POMGNT1: variants seen among roughly 807,000 people sequenced by gnomAD.
The protein encoded by POMGNT1 is protein O-linked mannose N-acetylglucosaminyltransferase 1 (beta 1,2-), also known as protein O-linked-mannose beta-1,2-N-acetylglucosaminyltransferase 1.
In POMGNT1, 67 loss-of-function variants were observed where a neutral mutation model predicts 95.6. The ratio of observed to expected loss-of-function variants is 0.70; its 90% CI spans 0.58 to 0.86. The LOEUF (loss-of-function observed/expected upper bound fraction) is 0.86. Ranked by LOEUF, POMGNT1 falls within the 40% of genes least tolerant of loss-of-function variation. The pLI, the probability that POMGNT1 is intolerant of heterozygous loss-of-function variation, is 0.00. For missense variants in POMGNT1, 719 were observed against 855.2 expected (o/e 0.84, Z 1.99); for synonymous variants, 298 against 317.9 (o/e 0.94, Z 0.66).
chr1:46,197,245 T>G (rs1658320103), intron 2 of POMGNT1, 161 bp from the exon 3 acceptor site: 2 of 1,545,920 alleles, frequency 1.3e-6, no homozygotes, highest in Non-Finnish European at 1.7e-6. Flanking sequence ...GGGCCTAGTT[T>G]CACAGCCACT....
intron 1 of POMGNT1, among the ~76,000 whole-genome samples, chr1:46,218,601 G>A (rs951469621): frequency 2.6e-5 from 4 of 152,070 alleles, no homozygotes; most frequent in African/African-American, 9.7e-5. Flanking sequence ...GTTCGGATTC[G>A]GCACTCTCTA....
At chr1:46,191,230 G>A (rs1163808142) in intron 17 of POMGNT1, 5 of 274,966 alleles carry the variant, frequency 1.8e-5, no homozygotes, top group Admixed American at 4.8e-5. Context: ...AATGGGGCTC[G>A]CGTATTAGTC....
rs1658065450 is a variant in POMGNT1, at chr1:46,194,568, A to G, written c.736T>C (p.Leu246=). 6.2e-7 allele frequency: 1 copy of G among 1,614,052 alleles called. No individual in the cohort carries two copies. Among genetic ancestry groups the G allele is most frequent in the Non-Finnish European group, 8.5e-7 (1 of 1,179,998 alleles). ...DPVLLKTDVP[L]SSAEEAECHW... ...CTAACTCCACCTTCTGCTGAGCTCA[A>G]TGGCACATCTGTCTTCAGCAGGACT... The change falls in exon 8 of 22, where the codon TTG becomes CTG. Residue 246 remains leucine (L), a synonymous_variant. Transcript: ENST00000371984.
chr1:46,211,439 G>GCACACATACACACA (rs764949785), intron 1 of POMGNT1, among the ~76,000 whole-genome samples: 78 of 79,046 alleles, frequency 9.9e-4, no homozygotes, highest in African/African-American at 1.8e-3. Flanking sequence ...ATGAAAACCT[G>GCACACATACACACA]CACACACACA....
chr1:46,192,481 T>C (rs1557672231), intron 15 of POMGNT1, 37 bp downstream of exon 15: 3 of 1,614,114 alleles, frequency 1.9e-6, no homozygotes, highest in Non-Finnish European at 2.5e-6. Context: ...TGAGGCCTCA[T>C]AAACTCGCCT....
At chr1:46,193,479 C>T in intron 11 of POMGNT1, 85 bp downstream of exon 11, 1 of 1,611,506 alleles carries the variant, frequency 6.2e-7, no homozygotes, top group South Asian at 1.1e-5. Context: ...CAGCCCTTGC[C>T]TGGGCGGTCT....
At chr1:46,195,568 T>C (rs1249475703) in intron 6 of POMGNT1, 1 of 564,192 alleles carries the variant, frequency 1.8e-6, no homozygotes, top group Non-Finnish European at 3.3e-6. Flanking sequence ...ATAAGCTCCA[T>C]GAGGGTGGGG....
exon 1 of POMGNT1, chr1:46,219,950 A>T (rs778528615): frequency 6.2e-7 from 1 of 1,614,246 alleles, no homozygotes; most frequent in Non-Finnish European, 8.5e-7. Context: ...TCCTGGACAC[A>T]GTGGCCCCCA....
Position 46,193,824 on chromosome 1 carries a change from A to G in POMGNT1, c.950+31T>C, listed in dbSNP as rs372397397. The G allele has an allele frequency of 1.6e-5, 26 of 1,613,054 alleles. No individual in the cohort carries two copies. In the African/African-American group the frequency reaches 2.7e-4, roughly 17 times the overall value. On this transcript the variant is annotated intron_variant, in intron 10 of 21. Coordinates refer to ENST00000371984, the MANE Select transcript of POMGNT1 (RefSeq NM_017739.4). ...AGATGACCTAAGCACCCTCCTGTTC[A>G]GTGCTGGGTATAGCCCATTCCCAGG...
At chr1:46,215,505 GAAGATCCT>G (rs1169549126) in intron 1 of POMGNT1, among the ~76,000 whole-genome samples, 1 of 152,192 alleles carries the variant, frequency 6.6e-6, no homozygotes, top group Admixed American at 6.5e-5. Flanking sequence ...GGAACAAAGA[GAAGATCCT>G]AAAAGCTTTC....
chr1:46,188,846 G>T lies in POMGNT1; in HGVS notation c.*424C>A. On this transcript the variant is annotated 3_prime_UTR_variant, in exon 22 of 22. Transcript: ENST00000371984. The stretch of plus-strand genomic sequence containing the variant: ...TGGGCCTGTCCATGGGTTGGGCACA[G>T]CAGTTTCCTGAGTAAGAGCCAGCCC... The T allele has an allele frequency of 6.2e-7, 1 of 1,612,926 alleles. No individual in the cohort carries two copies. Among genetic ancestry groups the T allele is most frequent in the East Asian group, 2.2e-5 (1 of 44,876 alleles).
In POMGNT1 at chr1:46,220,169, C is replaced by T. The variant is rs150073699; in HGVS notation, c.-515G>A. 5.3e-5 allele frequency: 86 copies of T among 1,614,010 alleles called. No homozygotes were observed. The highest frequency in any genetic ancestry group is 6.5e-5 in the Non-Finnish European group (77 of 1,179,998). ...AGGATGAGAGTGCCAAGCTGGGCTT[C>T]GAGGCCCACTGGTTCTGGGAGCAGT... On this transcript the variant is annotated 5_prime_UTR_variant, in exon 1 of 23. Coordinates refer to the POMGNT1 transcript ENST00000371992.
At chr1:46,198,830 C>T (rs1337541281), upstream of POMGNT1, among the ~76,000 whole-genome samples, 1 of 152,228 alleles carries the variant, frequency 6.6e-6, no homozygotes, top group Non-Finnish European at 1.5e-5. Context: ...GCATGCACAG[C>T]TATTGGAGGC....
chr1:46,219,692 C>T (rs749786411), intron 1 of POMGNT1: 8 of 1,573,034 alleles, frequency 5.1e-6, no homozygotes, highest in Non-Finnish European at 6.9e-6. Context: ...TTCTCCCACT[C>T]CCCCAGGCTT....
intron 10 of POMGNT1, 25 bp downstream of exon 10, chr1:46,193,830 G>A: frequency 2.5e-6 from 4 of 1,613,496 alleles, no homozygotes; most frequent in Non-Finnish European, 3.4e-6. Flanking sequence ...GTTCAGTGCT[G>A]GGTATAGCCC....
chr1:46,193,539 G>A (rs766635945), intron 11 of POMGNT1, 25 bp downstream of exon 11: 9 of 1,614,078 alleles, frequency 5.6e-6, no homozygotes, highest in East Asian at 2.2e-5. Flanking sequence ...TACTCCACCC[G>A]AGGCACCCCC....
At chr1:46,213,369 A>G (rs114239031) in intron 1 of POMGNT1, among the ~76,000 whole-genome samples, 3 of 149,192 alleles carry the variant, frequency 2.0e-5, no homozygotes, top group African/African-American at 4.9e-5. Flanking sequence ...AAGTATATAA[A>G]TTTTTTAAAA....
At chr1:46,214,115 G>A (rs966731335) in intron 1 of POMGNT1, among the ~76,000 whole-genome samples, 1 of 152,126 alleles carries the variant, frequency 6.6e-6, no homozygotes, top group African/African-American at 2.4e-5. Context: ...GAAGGCCGAG[G>A]CTGGATGATC....
chr1:46,219,308 A>T (rs1310926174), intron 1 of POMGNT1, among the ~76,000 whole-genome samples: 2 of 152,142 alleles, frequency 1.3e-5, no homozygotes, highest in Non-Finnish European at 2.9e-5. Flanking sequence ...AAAAAAAAAA[A>T]AAGAAGTACC....
Sources: gnomAD v4.1 joint callset for allele counts (sites outside exome capture counted in the v4.1 genomes callset) on GRCh38, gnomAD v4.1.1 for gene constraint, MANE v1.5 for transcripts, NCBI Gene and HGNC (gene_info 2026-07-23, HGNC 2026-07-21) for gene names.